The following WASF2 variants were observed in gnomAD, a reference collection of about 807,000 sequenced individuals.
WASF2 encodes the protein actin-binding protein WASF2.
A neutral mutation model predicts 45.0 loss-of-function variants in WASF2; 14 were observed. The observed-to-expected ratio is 0.31, with a 90% CI of 0.21 to 0.49. The LOEUF (loss-of-function observed/expected upper bound fraction) is 0.49, where lower values mean the gene tolerates loss of function less well. Among genes scored for constraint, WASF2 ranks in the 20% least tolerant of loss-of-function variants. The pLI is 0.99. For synonymous variants in WASF2, 200 were observed against 236.3 expected (o/e 0.85, Z 1.41); for missense variants, 439 against 636.1 (o/e 0.69, Z 3.33).
intron 1 of WASF2, among the ~76,000 whole-genome samples, chr1:27,468,763 T>C (rs990515668): frequency 2.0e-5 from 3 of 151,676 alleles, no homozygotes; most frequent in Admixed American, 6.6e-5. Flanking sequence ...GTAGATCACC[T>C]GAGGTCAGGA....
Position 27,406,265 on chromosome 1 carries a change from T to C in WASF2, c.*1924A>G, listed in dbSNP as rs1449382695. The stretch of plus-strand genomic sequence containing the variant: ...GCCCACATAGCCTGGTGTCTCAGCA[T>C]GGAGCTTAGTGCCAAGTCCTGTGCC... On this transcript the variant is annotated 3_prime_UTR_variant, in exon 9 of 9. Coordinates refer to ENST00000618852, the MANE Select transcript of WASF2 (RefSeq NM_006990.5). The C allele has an allele frequency of 6.6e-6, 1 of 152,520 alleles. No individual in the cohort carries two copies. Among genetic ancestry groups the C allele is most frequent in the Non-Finnish European group, 1.5e-5 (1 of 68,112 alleles). The allele number at this position is 152,520 out of a possible 1,614,324, so 9.4% of individuals were successfully genotyped here. A position where few individuals can be genotyped will look rare whatever the true frequency, so the allele number is the denominator to read the frequency against.
At chr1:27,451,885 T>A (rs1055656050) in intron 1 of WASF2, among the ~76,000 whole-genome samples, 2 of 152,300 alleles carry the variant, frequency 1.3e-5, no homozygotes, top group East Asian at 3.9e-4. Flanking sequence ...TACATACATA[T>A]GATAAAGTTT....
chr1:27,423,303 T>C (rs1237105866), intron 2 of WASF2, among the ~76,000 whole-genome samples: 1 of 152,050 alleles, frequency 6.6e-6, no homozygotes, highest in African/African-American at 2.4e-5. Context: ...ATTCAAGAGA[T>C]TCTCCTGCCT....
rs750013896 is a variant in WASF2, at chr1:27,419,045, T to C, written c.174A>G (p.Ala58=). The change falls in exon 3 of 9, where the codon GCA becomes GCG. Residue 58 remains alanine, a synonymous_variant. Transcript: ENST00000618852. ...EDIFGELFTQ[A]NTFASRVSSL... Reference sequence around the variant, plus strand: ...AGCTTACCCGAGAGGCAAAGGTATTTGCCTGAGTAAAGAGCTCTCCAAAAA... The same window carrying C: ...AGCTTACCCGAGAGGCAAAGGTATTCGCCTGAGTAAAGAGCTCTCCAAAAA... 2 of 1,614,032 alleles carry C rather than the reference T, an allele frequency of 1.2e-6. No homozygotes were observed. Among genetic ancestry groups the C allele is most frequent in the Non-Finnish European group, 1.7e-6 (2 of 1,180,024 alleles).
chr1:27,473,796 A>C (rs1350882491), intron 1 of WASF2, among the ~76,000 whole-genome samples: 1 of 152,232 alleles, frequency 6.6e-6, no homozygotes, highest in Non-Finnish European at 1.5e-5. Flanking sequence ...AAAAACAAGA[A>C]AGATAAGTAT....
chr1:27,479,800 A>G (rs1261212208), intron 1 of WASF2, among the ~76,000 whole-genome samples: 1 of 152,138 alleles, frequency 6.6e-6, no homozygotes, highest in East Asian at 1.9e-4. Flanking sequence ...GGGAGGCAGA[A>G]GCTGCAGTGA....
chr1:27,471,585 G>A (rs928313076), intron 1 of WASF2, among the ~76,000 whole-genome samples: 29 of 152,052 alleles, frequency 1.9e-4, no homozygotes, highest in South Asian at 2.1e-4. Flanking sequence ...CCGAGATGGC[G>A]CCACTGTACT....
chr1:27,439,353 CAGT>C (rs1171201306), intron 1 of WASF2, among the ~76,000 whole-genome samples: 2 of 152,166 alleles, frequency 1.3e-5, no homozygotes, highest in African/African-American at 4.8e-5. Context: ...GTAGTAGTAG[CAGT>C]AGAATGATTG....
At position 27,405,342 on chromosome 1, in the gene WASF2, TTC is replaced by T. The variant is rs1171512318; in HGVS notation, c.*2845_*2846del. On this transcript the variant is annotated 3_prime_UTR_variant, in exon 9 of 9. Coordinates refer to ENST00000618852, the MANE Select transcript of WASF2 (RefSeq NM_006990.5). ...CAACCAAGGCAAAGCCACAAGTTGC[TTC>T]TGACACTATTGGAAGCTGGGCCCCA... 1 of 152,226 alleles carries T rather than the reference TTC, an allele frequency of 6.6e-6. No homozygotes were observed. The highest frequency in any genetic ancestry group is 1.5e-5 in the Non-Finnish European group (1 of 68,092). 9.4% of individuals were successfully genotyped at this position (152,226 alleles called of 1,614,324 possible). A position where few individuals can be genotyped will look rare whatever the true frequency, so the allele number is the denominator to read the frequency against.
chr1:27,451,385 G>T (rs1042906624), intron 1 of WASF2, among the ~76,000 whole-genome samples: 2 of 152,204 alleles, frequency 1.3e-5, no homozygotes, highest in Admixed American at 6.5e-5. Flanking sequence ...AGCATATGCA[G>T]AGGCAAAAAC....
chr1:27,447,408 T>A (rs1444831806), intron 1 of WASF2, among the ~76,000 whole-genome samples: 2 of 152,200 alleles, frequency 1.3e-5, no homozygotes, highest in Non-Finnish European at 2.9e-5. Flanking sequence ...CTTGTATTAA[T>A]GAGCCAAAGG....
intron 1 of WASF2, among the ~76,000 whole-genome samples, chr1:27,431,105 C>T (rs563531807): frequency 6.0e-4 from 92 of 152,286 alleles, no homozygotes; most frequent in African/African-American, 2.0e-3. Flanking sequence ...GCCCAAGAAC[C>T]AAGAGAATCA....
intron 2 of WASF2, among the ~76,000 whole-genome samples, chr1:27,427,305 TGA>T (rs1296282752): frequency 1.3e-5 from 2 of 152,140 alleles, no homozygotes; most frequent in Admixed American, 6.5e-5. Flanking sequence ...GAAAAATAGC[TGA>T]GAGAGAGCGT....
intron 1 of WASF2, among the ~76,000 whole-genome samples, chr1:27,487,329 G>A (rs1368058664): frequency 7.0e-6 from 1 of 142,324 alleles, no homozygotes; most frequent in East Asian, 2.0e-4. Context: ...TCGATCTCCC[G>A]ACCTCGTGAT....
chr1:27,413,559 C>G (rs1312138345), intron 6 of WASF2, among the ~76,000 whole-genome samples: 1 of 152,054 alleles, frequency 6.6e-6, no homozygotes, highest in Non-Finnish European at 1.5e-5. Flanking sequence ...GTGGAAAATC[C>G]CCAAGGCCTG....
chr1:27,480,474 AC>A (rs1029308971), intron 1 of WASF2, among the ~76,000 whole-genome samples: 3 of 151,826 alleles, frequency 2.0e-5, no homozygotes, highest in African/African-American at 7.3e-5. Flanking sequence ...ATTAGATAGC[AC>A]CACTGCACTC....
In WASF2 at chr1:27,416,016, T is replaced by G. The variant is rs1309134683; in HGVS notation, c.506A>C (p.Lys169Thr). 6.2e-7 allele frequency: 1 copy of G among 1,613,980 alleles called. No individual in the cohort carries two copies. The highest frequency in any genetic ancestry group is 8.5e-7 in the Non-Finnish European group (1 of 1,179,974). Residue 169 changes from lysine to threonine, a missense_variant, in exon 5 of 9, where the codon AAG (lysine) becomes ACG (threonine). By Grantham distance (78) the Lys-to-Thr change is moderately conservative (BLOSUM62 -1). This residue lies in a region of WASF2 where 23 missense variants were observed against 69.7 expected (regional missense o/e 0.33). Transcript: ENST00000618852. ...CTTTCTCTTCTCTTTCATGATATCCTTGGTGTCCTGCAGCATCTTCTCCTT... is the reference window on the plus strand; with the variant it reads ...CTTTCTCTTCTCTTTCATGATATCCGTGGTGTCCTGCAGCATCTTCTCCTT... Reference protein sequence around the residue: ...LWKEKMLQDTKDIMKEKRKHR... With the variant: ...LWKEKMLQDTTDIMKEKRKHR...
At chr1:27,471,423 C>T (rs72884609) in intron 1 of WASF2, among the ~76,000 whole-genome samples, 4,819 of 150,714 alleles carry the variant, frequency 0.032, 252 homozygotes, top group African/African-American at 0.11. Flanking sequence ...GAAGCTGTGA[C>T]GGAAGAATCG....
At chr1:27,441,909 A>T (rs1386086241) in intron 1 of WASF2, among the ~76,000 whole-genome samples, 1 of 149,774 alleles carries the variant, frequency 6.7e-6, no homozygotes, top group African/African-American at 2.5e-5. Flanking sequence ...CTGGCGACAC[A>T]ACGAGACTCC....
Sources: gnomAD v4.1 joint callset for allele counts (sites outside exome capture counted in the v4.1 genomes callset) on GRCh38, gnomAD v4.1.1 for gene constraint, gnomAD v4.1.1 regional missense constraint, MANE v1.5 for transcripts, NCBI Gene and HGNC (gene_info 2026-07-23, HGNC 2026-07-21) for gene names.